The following EDIL3 variants were observed in gnomAD, a reference collection of about 807,000 sequenced individuals.
The protein encoded by EDIL3 is EGF-like repeat and discoidin I-like domain-containing protein 3.
EDIL3 carries 37 observed loss-of-function variants against 67.4 expected under a neutral mutation model. The ratio of observed to expected loss-of-function variants is 0.55; its 90% confidence interval spans 0.42 to 0.72. The LOEUF (loss-of-function observed/expected upper bound fraction) is 0.72, where lower values mean the gene tolerates loss of function less well. Ranked by LOEUF, EDIL3 falls within the 30% of genes least tolerant of loss-of-function variation. The pLI, the probability that EDIL3 is intolerant of heterozygous loss-of-function variation, is 0.00. For missense variants in EDIL3, 527 were observed against 586.3 expected (o/e 0.90, Z 1.04); for synonymous variants, 195 against 196.3 (o/e 0.99, Z 0.05).
At chr5:84,052,448 C>T (rs548758847) in intron 9 of EDIL3, among the ~76,000 whole-genome samples, 38 of 135,888 alleles carry the variant, frequency 2.8e-4, no homozygotes, top group African/African-American at 9.5e-4. Context: ...GGATCAAATT[C>T]ACACATACAA....
chr5:84,045,011 T>C (rs989056790), intron 9 of EDIL3, among the ~76,000 whole-genome samples: 2 of 152,194 alleles, frequency 1.3e-5, no homozygotes, highest in Non-Finnish European at 2.9e-5. Context: ...GGACTCACAG[T>C]TCCACATGGC....
chr5:84,119,217 T>G (rs960419929), intron 5 of EDIL3, among the ~76,000 whole-genome samples: 9 of 145,022 alleles, frequency 6.2e-5, no homozygotes, highest in African/African-American at 1.0e-4. Context: ...ATTTGGTTTT[T>G]TTTTTTTTTT....
At chr5:84,047,254 A>T (rs1746240791) in intron 9 of EDIL3, among the ~76,000 whole-genome samples, 1 of 152,030 alleles carries the variant, frequency 6.6e-6, no homozygotes, top group South Asian at 2.1e-4. Context: ...ATGATTTTCT[A>T]TATGCAAGCA....
intron 4 of EDIL3, among the ~76,000 whole-genome samples, chr5:84,155,794 A>G (rs2112334508): frequency 6.6e-6 from 1 of 152,298 alleles, no homozygotes; most frequent in South Asian, 2.1e-4. Flanking sequence ...AGATGTTTAA[A>G]AAGGTCCCTC....
chr5:84,051,864 A>G (rs905157441), intron 9 of EDIL3, among the ~76,000 whole-genome samples: 2 of 152,232 alleles, frequency 1.3e-5, no homozygotes, highest in Non-Finnish European at 2.9e-5. Flanking sequence ...GGGAGAATGG[A>G]ACCAAGTTGG....
chr5:83,944,432 A>G (rs1433551738), intron 10 of EDIL3, among the ~76,000 whole-genome samples: 7 of 123,492 alleles, frequency 5.7e-5, no homozygotes, highest in Middle Eastern at 0.012. Context: ...TACTATTACT[A>G]TGGCCACTTG....
intron 9 of EDIL3, among the ~76,000 whole-genome samples, chr5:83,981,947 G>A (rs905501932): frequency 7.9e-5 from 12 of 151,906 alleles, no homozygotes; most frequent in Non-Finnish European, 1.5e-4. Context: ...AAAAAAACAT[G>A]AAATAACAAT....
intron 9 of EDIL3, among the ~76,000 whole-genome samples, chr5:84,025,021 C>T (rs879844923): frequency 6.0e-4 from 92 of 152,114 alleles, no homozygotes; most frequent in Middle Eastern, 3.4e-3. Flanking sequence ...GCAAGGAAAC[C>T]TTTCCCAGAA....
intron 9 of EDIL3, among the ~76,000 whole-genome samples, chr5:84,039,639 CA>C (rs1746085498): frequency 6.6e-6 from 1 of 151,954 alleles, no homozygotes; most frequent in African/African-American, 2.4e-5. Context: ...GAAATGAAAG[CA>C]AATGAGATGA....
rs184328638 is a variant in EDIL3, at chr5:84,258,452, G to A, written c.68-4240C>T. Among the ~76,000 whole-genome samples the A allele has an allele frequency of 2.2e-3, 336 of 152,206 alleles. 2 individuals carry two copies. Among genetic ancestry groups the A allele is most frequent in the Non-Finnish European group, 3.5e-3 (239 of 68,006 alleles). ...GAGCTCCAGAGCAAAGATTATTGTT[G>A]GAAGGAATTCCCCTAGGTCAGGAAT... On this transcript the variant is annotated intron_variant, in intron 1 of 10. Transcript: ENST00000296591.
intron 1 of EDIL3, among the ~76,000 whole-genome samples, chr5:84,313,778 A>C (rs1417344077): frequency 2.6e-5 from 4 of 152,320 alleles, no homozygotes; most frequent in African/African-American, 9.6e-5. Flanking sequence ...GTATTTCTTA[A>C]AGCTCCCAGG....
At chr5:84,326,723 G>A (rs1746764585) in intron 1 of EDIL3, among the ~76,000 whole-genome samples, 1 of 151,610 alleles carries the variant, frequency 6.6e-6, no homozygotes, top group South Asian at 2.1e-4. Flanking sequence ...TCTTGCTTTT[G>A]TTTCCAATGT....
chr5:84,025,276 C>G (rs1298124270), intron 9 of EDIL3, among the ~76,000 whole-genome samples: 1 of 152,074 alleles, frequency 6.6e-6, no homozygotes, highest in Non-Finnish European at 1.5e-5. Context: ...TGGGTTGCAA[C>G]AGCAGGATGT....
Position 83,970,643 on chromosome 5 carries a change from GTATATATATATATATATATATATATATA to G in EDIL3, c.1138-7311_1138-7284del, listed in dbSNP as rs70975530. Among the ~76,000 whole-genome samples the G allele has an allele frequency of 5.2e-5, 6 of 116,136 alleles. 1 individual carries two copies. The highest frequency in any genetic ancestry group is 4.7e-4 in the East Asian group (2 of 4,286). The allele number at this position is 116,136 out of a possible 152,430, so 76.2% of individuals were successfully genotyped here. The stretch of plus-strand genomic sequence containing the variant: ...ATACATAATGTGACATAGGATCACA[GTATATATATATATATATATATATATATA>G]TATATATATATATTTAAGAACATAA... On this transcript the variant is annotated intron_variant, in intron 9 of 10. Coordinates refer to ENST00000296591, the MANE Select transcript of EDIL3 (RefSeq NM_005711.5).
At chr5:83,965,480 A>G (rs2269274) in intron 9 of EDIL3, among the ~76,000 whole-genome samples, 89,233 of 151,878 alleles carry the variant, frequency 0.59, 26,519 homozygotes, top group African/African-American at 0.68. Context: ...CTTAAAGAAC[A>G]GAGTTGGTGT....
At chr5:84,384,215 C>A (rs542096872) in intron 1 of EDIL3, 93 bp downstream of exon 1, 1 of 1,469,906 alleles carries the variant, frequency 6.8e-7, no homozygotes, top group East Asian at 2.4e-5. Context: ...ACCCTTGGCA[C>A]GCCGGAGGGA....
At position 84,106,726 on chromosome 5, in the gene EDIL3, A is replaced by T. The variant is rs146011995; in HGVS notation, c.574T>A (p.Tyr192Asn). The change falls in exon 6 of 11, where the codon TAC (tyrosine) becomes AAC (asparagine). Residue 192 changes from tyrosine to asparagine, a missense_variant. This residue lies in a region of EDIL3 where 494 missense variants were observed against 522.5 expected (regional missense o/e 0.95). Transcript: ENST00000296591. ...CCCTTCTTATTAAGACGTGCATAGT[A>T]GGGATACCATTTTTGGAGTCCAAAA... Reference protein sequence around the residue: ...ALFGLQKWYPYYARLNKKGLI... With the variant: ...ALFGLQKWYPNYARLNKKGLI... 6 of 1,613,344 alleles carry T rather than the reference A, an allele frequency of 3.7e-6. No individual in the cohort carries two copies. The African/African-American group carries it at 8.0e-5, about 22-fold the overall frequency.
At chr5:84,041,692 C>A (rs6875952) in intron 9 of EDIL3, among the ~76,000 whole-genome samples, 54,815 of 147,546 alleles carry the variant, frequency 0.37, 11,356 homozygotes, top group African/African-American at 0.57. Context: ...TTGTGTATAT[C>A]TCTACCTATA....
At chr5:84,001,386 A>G (rs752280985) in intron 9 of EDIL3, among the ~76,000 whole-genome samples, 10 of 152,166 alleles carry the variant, frequency 6.6e-5, no homozygotes, top group Non-Finnish European at 1.5e-4. Context: ...ACAACCTAAA[A>G]ATGCTTTCTA....
Sources: gnomAD v4.1 joint callset for allele counts (sites outside exome capture counted in the v4.1 genomes callset) on GRCh38, gnomAD v4.1.1 for gene constraint, gnomAD v4.1.1 regional missense constraint, MANE v1.5 for transcripts, NCBI Gene and HGNC (gene_info 2026-07-23, HGNC 2026-07-21) for gene names.